Variants in RALYL observed in about 807,000 individuals in gnomAD.
RALYL encodes RNA-binding Raly-like protein.
Under a neutral mutation model 35.1 loss-of-function variants are expected in RALYL, and 29 were observed. The ratio of observed to expected loss-of-function variants is 0.83; its 90% CI spans 0.61 to 1.13. RALYL has a LOEUF of 1.13. Among genes scored for constraint, RALYL ranks in the 50% most tolerant of loss-of-function variants. The pLI is 0.00. For missense variants in RALYL, 359 were observed against 360.4 expected (o/e 1.00, Z 0.03); for synonymous variants, 120 against 127.6 (o/e 0.94, Z 0.40).
intron 2 of RALYL, among the ~76,000 whole-genome samples, chr8:84,548,371 T>C (rs2060500156): frequency 1.3e-5 from 2 of 152,188 alleles, no homozygotes; most frequent in Non-Finnish European, 2.9e-5. Flanking sequence ...CATGTCATTG[T>C]AGGGACTTTC....
chr8:84,244,531 AAGCT>A (rs1828683624), intron 1 of RALYL, among the ~76,000 whole-genome samples: 1 of 152,112 alleles, frequency 6.6e-6, no homozygotes, highest in Non-Finnish European at 1.5e-5. Context: ...ACATTTCTTT[AAGCT>A]ATTCTGAGGT....
intron 2 of RALYL, among the ~76,000 whole-genome samples, chr8:84,764,769 TA>T (rs1456983932): frequency 6.6e-6 from 1 of 152,222 alleles, no homozygotes; most frequent in African/African-American, 2.4e-5. Context: ...CCAGTAAAAT[TA>T]GACTACAGTT....
chr8:84,750,753 T>G (rs113099222), intron 2 of RALYL, among the ~76,000 whole-genome samples: 96 of 152,162 alleles, frequency 6.3e-4, no homozygotes, highest in African/African-American at 2.2e-3. Flanking sequence ...TCAGCCCCCT[T>G]ACCATGTGAT....
chr8:84,278,909 T>C (rs1835962995), intron 1 of RALYL, among the ~76,000 whole-genome samples: 1 of 152,204 alleles, frequency 6.6e-6, no homozygotes, highest in Non-Finnish European at 1.5e-5. Context: ...GTTACCCAGT[T>C]CCAAAGTTAT....
At chr8:84,706,502 T>A (rs1442079608) in intron 2 of RALYL, among the ~76,000 whole-genome samples, 1 of 152,112 alleles carries the variant, frequency 6.6e-6, no homozygotes, top group Non-Finnish European at 1.5e-5. Context: ...CAGTTCAGAA[T>A]GGAGGGGAGA....
At chr8:84,753,523 G>T (rs545882826) in intron 2 of RALYL, among the ~76,000 whole-genome samples, 1 of 152,152 alleles carries the variant, frequency 6.6e-6, no homozygotes, top group Non-Finnish European at 1.5e-5. Flanking sequence ...ATCTCATGTC[G>T]AAATGTAATT....
At chr8:84,408,821 T>G (rs921073613) in intron 1 of RALYL, among the ~76,000 whole-genome samples, 3 of 152,136 alleles carry the variant, frequency 2.0e-5, no homozygotes, top group African/African-American at 7.2e-5. Context: ...ACTAAAATAT[T>G]ATTCTGTATT....
intron 1 of RALYL, among the ~76,000 whole-genome samples, chr8:84,247,381 C>T (rs1829321746): frequency 2.0e-5 from 3 of 152,016 alleles, no homozygotes; most frequent in South Asian, 2.1e-4. Flanking sequence ...TTAAGAGGTA[C>T]ATGTAACTGG....
chr8:84,763,815 C>T (rs575212393), intron 2 of RALYL, among the ~76,000 whole-genome samples: 75 of 152,212 alleles, frequency 4.9e-4, no homozygotes, highest in African/African-American at 1.8e-3. Context: ...TGTTAATTAA[C>T]GGCATTATCA....
At chr8:84,515,192 C>A (rs1408743548) in intron 1 of RALYL, among the ~76,000 whole-genome samples, 1 of 152,136 alleles carries the variant, frequency 6.6e-6, no homozygotes, top group Non-Finnish European at 1.5e-5. Flanking sequence ...CAGTGTTCAC[C>A]TAGAAAATAG....
In RALYL at chr8:84,913,040, G is replaced by GTAGGTAGGTAGGTAGATAGATAGA. The variant is rs372305617; in HGVS notation, c.859-7851_859-7850insGTAGGTAGGTAGATAGATAGATAG. ...GATGGATGGATGGATGGATAGGTAG[G>GTAGGTAGGTAGGTAGATAGATAGA]TAGATAGATAGATAGATAGATAGAT... On this transcript the variant is annotated intron_variant, in intron 8 of 8. Transcript: ENST00000521268. Among the ~76,000 whole-genome samples the GTAGGTAGGTAGGTAGATAGATAGA allele has an allele frequency of 9.5e-4, 124 of 130,132 alleles. 1 individual carries two copies. Among genetic ancestry groups the GTAGGTAGGTAGGTAGATAGATAGA allele is most frequent in the South Asian group, 7.5e-4 (3 of 4,002 alleles). 85.4% of individuals were successfully genotyped at this position (130,132 alleles called of 152,430 possible).
intron 4 of RALYL, among the ~76,000 whole-genome samples, chr8:84,815,251 T>C (rs2134155730): frequency 6.6e-6 from 1 of 152,222 alleles, no homozygotes; most frequent in South Asian, 2.1e-4. Context: ...GAAGTACATA[T>C]AAATTCATTC....
intron 1 of RALYL, among the ~76,000 whole-genome samples, chr8:84,217,474 C>T (rs10504797): frequency 0.26 from 40,066 of 151,718 alleles, 5,504 homozygotes; most frequent in African/African-American, 0.32. Flanking sequence ...ATAAAATAGC[C>T]GTCAGAAGAG....
intron 2 of RALYL, among the ~76,000 whole-genome samples, chr8:84,576,961 T>G (rs943426954): frequency 6.6e-6 from 1 of 152,228 alleles, no homozygotes; most frequent in African/African-American, 2.4e-5. Context: ...TAGTTTACAG[T>G]GCCTATCTCT....
At chr8:84,838,240 T>C (rs939094948) in intron 4 of RALYL, among the ~76,000 whole-genome samples, 7 of 152,112 alleles carry the variant, frequency 4.6e-5, no homozygotes, top group African/African-American at 1.7e-4. Flanking sequence ...GGTGGGTGAT[T>C]TCAAATAGAG....
chr8:84,449,255 A>G (rs1189325687), intron 1 of RALYL, among the ~76,000 whole-genome samples: 2 of 151,922 alleles, frequency 1.3e-5, no homozygotes, highest in African/African-American at 4.8e-5. Context: ...GCAGGACTGC[A>G]GGAGGTGAGG....
At chr8:84,650,706 G>A (rs1299471012) in intron 2 of RALYL, among the ~76,000 whole-genome samples, 1 of 151,782 alleles carries the variant, frequency 6.6e-6, no homozygotes, top group Non-Finnish European at 1.5e-5. Flanking sequence ...ATTTGACCCA[G>A]CCATCCCATT....
At chr8:84,358,052 G>T (rs1176967706) in intron 1 of RALYL, among the ~76,000 whole-genome samples, 1 of 151,714 alleles carries the variant, frequency 6.6e-6, no homozygotes, top group Non-Finnish European at 1.5e-5. Context: ...ATTTGTAGGA[G>T]CCATTCATAC....
chr8:84,331,587 G>A (rs2130709853), intron 1 of RALYL, among the ~76,000 whole-genome samples: 1 of 152,130 alleles, frequency 6.6e-6, no homozygotes, highest in South Asian at 2.1e-4. Context: ...TCATAGCCAA[G>A]GTCCACTGCA....
Sources: gnomAD v4.1 joint callset for allele counts (sites outside exome capture counted in the v4.1 genomes callset) on GRCh38, gnomAD v4.1.1 for gene constraint, MANE v1.5 for transcripts, NCBI Gene and HGNC (gene_info 2026-07-23, HGNC 2026-07-21) for gene names.